SPIRE2: variants seen among roughly 807,000 people sequenced by gnomAD.
SPIRE2 encodes the protein spire type actin nucleation factor 2.
Under a neutral mutation model 80.7 loss-of-function variants are expected in SPIRE2, and 76 were observed. The ratio of observed to expected loss-of-function variants is 0.94; its 90% CI spans 0.78 to 1.14. The LOEUF is 1.14. Among genes scored for constraint, SPIRE2 ranks in the 50% most tolerant of loss-of-function variants. The probability of loss-of-function intolerance (pLI) is 0.00; values close to 1 mark genes in which losing one functional copy is unlikely to be tolerated. For missense variants in SPIRE2, 1,196 were observed against 1,015.3 expected (o/e 1.18, Z -2.42); for synonymous variants, 535 against 432.6 (o/e 1.24, Z -2.94).
chr16:89,869,973 G>C (rs1050718434), intron 14 of SPIRE2, 77 bp from the exon 15 acceptor site: 13 of 1,289,068 alleles, frequency 1.0e-5, no homozygotes, highest in Admixed American at 3.9e-5. Flanking sequence ...GGAGGGGGCT[G>C]TGGCATGCAC....
chr16:89,832,502 A>G (rs1490866702), intron 1 of SPIRE2, among the ~76,000 whole-genome samples: 1 of 152,060 alleles, frequency 6.6e-6, no homozygotes, highest in African/African-American at 2.4e-5. Context: ...CTCCCTCTGG[A>G]AGCCAGGACA....
At position 89,863,726 on chromosome 16, in the gene SPIRE2, A is replaced by C. The variant is rs1294541762; in HGVS notation, c.1711-68A>C. 1.3e-5 allele frequency: 21 copies of C among 1,604,294 alleles called. No homozygotes were observed. The highest frequency in any genetic ancestry group is 1.7e-5 in the Non-Finnish European group (20 of 1,171,336). On this transcript the variant is annotated intron_variant, in intron 11 of 14. Coordinates refer to ENST00000378247, the MANE Select transcript of SPIRE2 (RefSeq NM_032451.2). The surrounding 1 kb of genome is among the most constrained non-coding windows in gnomAD (Gnocchi z 4.3). Reference sequence around the variant, plus strand: ...ATCTGGTTGGGAGCCCTGAGGGGGTAGCAGGGACAGGGCGGGACCCCAGGG... The same window carrying C: ...ATCTGGTTGGGAGCCCTGAGGGGGTCGCAGGGACAGGGCGGGACCCCAGGG...
intron 10 of SPIRE2, 131 bp downstream of exon 10, chr16:89,860,926 G>T (rs776112484): frequency 1.9e-4 from 111 of 577,750 alleles, no homozygotes; most frequent in Middle Eastern, 4.4e-4. Flanking sequence ...CGTCCGTCTG[G>T]GGGGGCGCGG....
intron 2 of SPIRE2, chr16:89,846,871 C>T (rs187489936): frequency 7.2e-6 from 1 of 138,854 alleles, no homozygotes; most frequent in Admixed American, 7.7e-5. Context: ...GTGGCGTGAT[C>T]TTGGCTCACT....
intron 1 of SPIRE2, among the ~76,000 whole-genome samples, chr16:89,842,316 G>A (rs1426766197): frequency 7.0e-6 from 1 of 142,176 alleles, no homozygotes; most frequent in Non-Finnish European, 1.5e-5. Flanking sequence ...GGGTTCAAGC[G>A]ATTCTCCTCT....
At chr16:89,869,053 A>AAAAAAATATATATATATATATATAT in intron 13 of SPIRE2, among the ~76,000 whole-genome samples, 1 of 24,030 alleles carries the variant, frequency 4.2e-5, no homozygotes, top group Admixed American at 6.5e-4. Flanking sequence ...AAAAAAAAAA[A>AAAAAAATATATATATATATATATAT]ATATATATAT....
chr16:89,858,220 C>T (rs2041710048), intron 7 of SPIRE2, 118 bp from the exon 8 acceptor site: 9 of 1,090,172 alleles, frequency 8.3e-6, no homozygotes, highest in Non-Finnish European at 1.2e-5. Flanking sequence ...GGCTAGCCCT[C>T]AGTTTCCCCT....
intron 1 of SPIRE2, among the ~76,000 whole-genome samples, chr16:89,840,838 C>T (rs1308032990): frequency 4.6e-5 from 7 of 151,212 alleles, no homozygotes; most frequent in East Asian, 3.9e-4. Context: ...GGGGTTTCAC[C>T]GTGTTAGCCA....
chr16:89,860,893 C>A, intron 10 of SPIRE2, 98 bp downstream of exon 10: 1 of 731,542 alleles, frequency 1.4e-6, no homozygotes, highest in Non-Finnish European at 2.1e-6. Flanking sequence ...GTCTGAGCAC[C>A]TGTCTGGGGG....
Position 89,828,735 on chromosome 16 carries a change from C to G in SPIRE2, c.185C>G (p.Thr62Ser). 1 of 1,234,104 alleles carries G rather than the reference C, an allele frequency of 8.1e-7. No homozygotes were observed. The highest frequency in any genetic ancestry group is 1.0e-6 in the Non-Finnish European group (1 of 985,828). The allele number at this position is 1,234,104 out of a possible 1,614,324, so 76.4% of individuals were successfully genotyped here. Residue 62 changes from threonine to serine, a missense_variant, in exon 1 of 15, where the codon ACC (threonine) becomes AGC (serine). Transcript: ENST00000378247. This position sits in a 1 kb window ranked among gnomAD's most constrained non-coding sequence, Gnocchi z 5.9. ...RGSPGRRLRD[T>S]GDLLLRGDGS... ...TCGCCGGGCCGGCGCCTGCGGGATA[C>G]CGGGGACCTCCTGCTGCGCGGGGAC...
intron 2 of SPIRE2, among the ~76,000 whole-genome samples, chr16:89,848,085 C>T (rs2041580934): frequency 6.6e-6 from 1 of 152,214 alleles, no homozygotes; most frequent in African/African-American, 2.4e-5. Context: ...ACATTTCCCG[C>T]TACGCTGTCC....
Position 89,828,792 on chromosome 16 carries a change from C to T in SPIRE2, c.242C>T (p.Ala81Val). ...GTCGGGGCGCGGGAGCCCGAGGCCG[C>T]GGGTGAGGCCGGGGGCGGGGCAGCC... ...GSVGAREPEAAEPATMVVPLA... is the reference protein window; with the variant it reads ...GSVGAREPEAVEPATMVVPLA... Residue 81 changes from alanine (A) to valine (V), a missense_variant and splice_region_variant, in exon 1 of 15, where the codon GCG becomes GTG. Coordinates refer to ENST00000378247, the MANE Select transcript of SPIRE2 (RefSeq NM_032451.2). This position sits in a 1 kb window ranked among gnomAD's most constrained non-coding sequence, Gnocchi z 5.9. 2.5e-6 allele frequency: 3 copies of T among 1,180,584 alleles called. No homozygotes were observed. The highest frequency in any genetic ancestry group is 3.1e-6 in the Non-Finnish European group (3 of 954,994). The allele number at this position is 1,180,584 out of a possible 1,614,324, so 73.1% of individuals were successfully genotyped here. A position where few individuals can be genotyped will look rare whatever the true frequency, so the allele number is the denominator to read the frequency against.
At chr16:89,847,433 C>G (rs2041572956) in intron 2 of SPIRE2, among the ~76,000 whole-genome samples, 1 of 152,206 alleles carries the variant, frequency 6.6e-6, no homozygotes, top group African/African-American at 2.4e-5. Context: ...CCCGAGTCTC[C>G]AAACAGAGCA....
At chr16:89,868,468 C>G (rs1011891238) in intron 13 of SPIRE2, among the ~76,000 whole-genome samples, 13 of 152,210 alleles carry the variant, frequency 8.5e-5, no homozygotes, top group African/African-American at 3.1e-4. Flanking sequence ...GTCCTACCTT[C>G]TTACATTCTA....
At chr16:89,857,136 C>CTTTT (rs59968762) in intron 7 of SPIRE2, among the ~76,000 whole-genome samples, 1 of 122,936 alleles carries the variant, frequency 8.1e-6, no homozygotes, top group African/African-American at 3.0e-5. Context: ...TTTCCTATAT[C>CTTTT]TTTTTTTTTT....
chr16:89,844,605 A>G (rs893834819), intron 1 of SPIRE2, among the ~76,000 whole-genome samples: 3 of 151,806 alleles, frequency 2.0e-5, no homozygotes, highest in Admixed American at 2.0e-4. Context: ...CGCCTGGCTA[A>G]TTTTTTGTAT....
At chr16:89,838,164 A>ATTTTTT (rs34507409) in intron 1 of SPIRE2, among the ~76,000 whole-genome samples, 171 of 87,514 alleles carry the variant, frequency 2.0e-3, no homozygotes, top group East Asian at 3.8e-3. Flanking sequence ...CACGCTCAGC[A>ATTTTTT]TTTTTTTTTT....
At chr16:89,854,941 T>TC (rs2041675424) in intron 5 of SPIRE2, among the ~76,000 whole-genome samples, 1 of 150,110 alleles carries the variant, frequency 6.7e-6, no homozygotes, top group East Asian at 2.0e-4. Context: ...GCTGTAGGAT[T>TC]TTTTTTTTCT....
intron 1 of SPIRE2, among the ~76,000 whole-genome samples, chr16:89,832,664 G>A (rs1311662399): frequency 6.6e-6 from 1 of 152,136 alleles, no homozygotes; most frequent in African/African-American, 2.4e-5. Flanking sequence ...ATTGCACCCT[G>A]GGAGGAGAAC....
Sources: allele counts gnomAD v4.1 joint callset (sites outside exome capture counted in the v4.1 genomes callset), GRCh38; gene constraint gnomAD v4.1.1; non-coding constraint Gnocchi (gnomAD v3.1); transcripts MANE v1.5; gene names NCBI Gene and HGNC (gene_info 2026-07-23, HGNC 2026-07-21).